IL19: variants seen among roughly 807,000 people sequenced by gnomAD.
IL19 encodes interleukin 19.
Under a neutral mutation model 19.5 loss-of-function variants are expected in IL19, and 15 were observed. The observed-to-expected ratio is 0.77, with a 90% CI of 0.52 to 1.19. IL19 has a LOEUF of 1.19. Among genes scored for constraint, IL19 ranks in the 50% most tolerant of loss-of-function variants. IL19 has a pLI of 0.00. For missense variants in IL19, 199 were observed against 213.1 expected (o/e 0.93, Z 0.41); for synonymous variants, 78 against 78.3 (o/e 1.00, Z 0.02).
chr1:206,817,294 C>A (rs1326235876), intron 2 of IL19, among the ~76,000 whole-genome samples: 1 of 152,224 alleles, frequency 6.6e-6, no homozygotes, highest in Non-Finnish European at 1.5e-5. Flanking sequence ...ACCTACTGAT[C>A]TCAGAATCTA....
chr1:206,832,367 T>C (rs1302640135), intron 2 of IL19, among the ~76,000 whole-genome samples: 1 of 152,206 alleles, frequency 6.6e-6, no homozygotes, highest in Non-Finnish European at 1.5e-5. Context: ...TTTTCCAGTG[T>C]CTATAGACCT....
chr1:206,827,238 T>C (rs960827306), intron 2 of IL19, among the ~76,000 whole-genome samples: 1 of 152,008 alleles, frequency 6.6e-6, no homozygotes, highest in Non-Finnish European at 1.5e-5. Flanking sequence ...TTGTCAGGAG[T>C]TAATGAATAG....
intron 3 of IL19, 53 bp from the exon 4 acceptor site, chr1:206,836,905 G>C: frequency 6.2e-7 from 1 of 1,602,102 alleles, no homozygotes; most frequent in Non-Finnish European, 8.6e-7. Flanking sequence ...TTGCATCTCA[G>C]AAGAACATAG....
rs763268188 is a variant in IL19 at position 206,842,692 on chromosome 1, C to T, written c.*70C>T. ...GCGGTTTACTGTGGGAGACAGCCCA[C>T]CTTGAAGGGGAAGGAGATGGGGAAG... On this transcript the variant is annotated 3_prime_UTR_variant, in exon 7 of 7. Coordinates refer to ENST00000659997, the MANE Select transcript of IL19 (RefSeq NM_153758.5). 2.2e-5 allele frequency: 20 copies of T among 913,142 alleles called. No individual in the cohort carries two copies. The highest frequency in any genetic ancestry group is 6.7e-5 in the African/African-American group (4 of 60,024). 56.6% of individuals were successfully genotyped at this position (913,142 alleles called of 1,614,324 possible). A position where few individuals can be genotyped will look rare whatever the true frequency, so the allele number is the denominator to read the frequency against.
chr1:206,806,990 A>C (rs916674318), intron 2 of IL19, among the ~76,000 whole-genome samples: 6 of 152,204 alleles, frequency 3.9e-5, no homozygotes, highest in Non-Finnish European at 7.3e-5. Flanking sequence ...AAGAGGTTTA[A>C]TGGACTCACA....
intron 1 of IL19, among the ~76,000 whole-genome samples, chr1:206,780,269 G>A (rs974344211): frequency 3.3e-5 from 5 of 152,106 alleles, no homozygotes; most frequent in Admixed American, 3.3e-4. Context: ...TCGAGGGCAG[G>A]GCCTGTATCT....
chr1:206,795,155 A>G (rs954627207), intron 1 of IL19, among the ~76,000 whole-genome samples: 3 of 152,196 alleles, frequency 2.0e-5, no homozygotes, highest in African/African-American at 7.2e-5. Context: ...AGAATTGGGA[A>G]GTACAGTAAC....
intron 1 of IL19, chr1:206,772,399 G>A: frequency 6.2e-7 from 1 of 1,614,142 alleles, no homozygotes; most frequent in South Asian, 1.1e-5. Flanking sequence ...ACCCCAGTCA[G>A]GAGGACCAGG....
At chr1:206,842,346 GA>G (rs1013092197) in intron 6 of IL19, among the ~76,000 whole-genome samples, 180 bp from the exon 7 acceptor site, 1 of 152,060 alleles carries the variant, frequency 6.6e-6, no homozygotes, top group Non-Finnish European at 1.5e-5. Flanking sequence ...TGTTTGTGGG[GA>G]AAAAAATTGG....
intron 1 of IL19, among the ~76,000 whole-genome samples, chr1:206,773,586 T>TTGTGTGTG (rs2234662): frequency 0.08 from 10,545 of 131,726 alleles, 522 homozygotes; most frequent in Admixed American, 0.13. Flanking sequence ...TGTCTTGGAT[T>TTGTGTGTG]TGTGTGTGTG....
intron 2 of IL19, among the ~76,000 whole-genome samples, chr1:206,832,138 G>A (rs536068946): frequency 1.1e-4 from 16 of 152,358 alleles, no homozygotes; most frequent in Admixed American, 6.5e-4. Flanking sequence ...GATTCCCGAG[G>A]TCAAGAGTAG....
intron 2 of IL19, among the ~76,000 whole-genome samples, chr1:206,835,763 T>G (rs1023932084): frequency 6.6e-6 from 1 of 152,256 alleles, no homozygotes; most frequent in Non-Finnish European, 1.5e-5. Context: ...CTAAGCTCTA[T>G]TTATAAGCTT....
chr1:206,820,020 A>T (rs935400694), intron 2 of IL19, among the ~76,000 whole-genome samples: 2 of 152,020 alleles, frequency 1.3e-5, no homozygotes, highest in African/African-American at 4.8e-5. Flanking sequence ...CTTGTGAAGG[A>T]TTCTTTTCAT....
chr1:206,835,866 A>G (rs905654667), intron 2 of IL19, among the ~76,000 whole-genome samples: 23 of 152,262 alleles, frequency 1.5e-4, no homozygotes, highest in Non-Finnish European at 2.5e-4. Context: ...CACAATACAA[A>G]GTGGTTAAAT....
At chr1:206,835,633 A>G (rs551556907) in intron 2 of IL19, among the ~76,000 whole-genome samples, 1 of 152,256 alleles carries the variant, frequency 6.6e-6, no homozygotes, top group South Asian at 2.1e-4. Flanking sequence ...CCACGGCCAC[A>G]CACGATACAC....
At chr1:206,829,774 T>A (rs1367962744) in intron 2 of IL19, among the ~76,000 whole-genome samples, 1 of 152,156 alleles carries the variant, frequency 6.6e-6, no homozygotes, top group African/African-American at 2.4e-5. Flanking sequence ...CCATCACCAC[T>A]GGGGCTCTTT....
At chr1:206,788,976 C>T (rs777015399) in intron 1 of IL19, among the ~76,000 whole-genome samples, 1 of 152,210 alleles carries the variant, frequency 6.6e-6, no homozygotes, top group Admixed American at 6.5e-5. Context: ...GTCAGTTTTA[C>T]CATCTCATCT....
At chr1:206,790,487 ACCCAAG>A (rs982459259) in intron 1 of IL19, among the ~76,000 whole-genome samples, 3 of 152,024 alleles carry the variant, frequency 2.0e-5, no homozygotes, top group African/African-American at 7.3e-5. Flanking sequence ...AAATGTAAAA[ACCCAAG>A]CTCGGCAACT....
chr1:206,838,262 T>G (rs1261768186), intron 4 of IL19, among the ~76,000 whole-genome samples: 2 of 152,166 alleles, frequency 1.3e-5, no homozygotes, highest in East Asian at 1.9e-4. Context: ...CCATGAGAGA[T>G]GCCTTTAAAA....
Sources: gnomAD v4.1 joint callset for allele counts (sites outside exome capture counted in the v4.1 genomes callset) on GRCh38, gnomAD v4.1.1 for gene constraint, MANE v1.5 for transcripts, NCBI Gene and HGNC (gene_info 2026-07-23, HGNC 2026-07-21) for gene names.